The following VPS13B variants were observed in gnomAD, a reference collection of about 807,000 sequenced individuals.
VPS13B encodes the protein intermembrane lipid transfer protein VPS13B.
In VPS13B, 285 loss-of-function variants were observed where a neutral mutation model predicts 426.4. That is an observed-to-expected ratio of 0.67 (90% confidence interval 0.61 to 0.74). VPS13B has a LOEUF of 0.74. Among genes scored for constraint, VPS13B ranks in the 30% least tolerant of loss-of-function variants. VPS13B has a pLI of 0.00. For synonymous variants in VPS13B, 1,676 were observed against 1,676.4 expected (o/e 1.00, Z 0.01); for missense variants, 4,537 against 4,782.6 (o/e 0.95, Z 1.51).
intron 17 of VPS13B, among the ~76,000 whole-genome samples, chr8:99,205,192 A>T (rs62153086): frequency 2.0e-5 from 3 of 152,242 alleles, no homozygotes; most frequent in Admixed American, 2.0e-4. Flanking sequence ...TGATGAGTTC[A>T]TGGTTTTTGC....
At chr8:99,475,137 A>G (rs993992085) in intron 24 of VPS13B, among the ~76,000 whole-genome samples, 1 of 152,248 alleles carries the variant, frequency 6.6e-6, no homozygotes, top group Non-Finnish European at 1.5e-5. Flanking sequence ...AAATGTTAAA[A>G]TATGCAGATT....
intron 17 of VPS13B, among the ~76,000 whole-genome samples, chr8:99,245,767 C>T (rs911534323): frequency 6.6e-6 from 1 of 152,172 alleles, no homozygotes; most frequent in Non-Finnish European, 1.5e-5. Flanking sequence ...TGGCCTCAAA[C>T]TCCTGGCCTC....
chr8:99,337,096 A>G (rs528445849), intron 19 of VPS13B, among the ~76,000 whole-genome samples: 1 of 152,254 alleles, frequency 6.6e-6, no homozygotes, highest in East Asian at 1.9e-4. Context: ...CACAATAGCA[A>G]AGACTTGGAA....
chr8:99,343,721 G>A (rs767557724), intron 19 of VPS13B, among the ~76,000 whole-genome samples: 2 of 152,168 alleles, frequency 1.3e-5, no homozygotes, highest in Non-Finnish European at 2.9e-5. Context: ...AACAACAAAA[G>A]TAGGTATAAA....
rs891386103 is a variant in VPS13B, at chr8:99,458,252, A to C, written c.3446-9162A>C. Among the ~76,000 whole-genome samples, 81 of 152,110 alleles carry C rather than the reference A, an allele frequency of 5.3e-4. 1 individual carries two copies. The highest frequency in any genetic ancestry group is 3.4e-3 in the Middle Eastern group (1 of 294). ...TCCCTGCAAAGGACATGAACTCATC[A>C]TTTTTTATGGCTGCATAGTATTCCA... On this transcript the variant is annotated intron_variant, in intron 23 of 61. Transcript: ENST00000357162.
At chr8:99,468,003 A>AT (rs1227824411) in intron 24 of VPS13B, among the ~76,000 whole-genome samples, 24 of 152,184 alleles carry the variant, frequency 1.6e-4, no homozygotes, top group African/African-American at 5.3e-4. Flanking sequence ...TTATCATGCA[A>AT]TTTTTTTATT....
At chr8:99,502,761 G>T (rs1821311733) in intron 26 of VPS13B, 75 bp from the exon 27 acceptor site, 3 of 1,140,836 alleles carry the variant, frequency 2.6e-6, no homozygotes, top group Non-Finnish European at 4.0e-6. Flanking sequence ...ATTTGTCAAT[G>T]TGAAATGTAA....
At chr8:99,116,718 G>A (rs773980555) in intron 7 of VPS13B, among the ~76,000 whole-genome samples, 13 of 152,162 alleles carry the variant, frequency 8.5e-5, no homozygotes, top group Non-Finnish European at 1.3e-4. Flanking sequence ...ACAGGCATGA[G>A]CCACCATGCC....
chr8:99,338,802 T>C (rs938131906), intron 19 of VPS13B, among the ~76,000 whole-genome samples: 1 of 152,160 alleles, frequency 6.6e-6, no homozygotes, highest in Admixed American at 6.5e-5. Flanking sequence ...GTTACCATGA[T>C]AAAATTTTAG....
At chr8:99,729,052 C>A (rs1173661709) in intron 39 of VPS13B, among the ~76,000 whole-genome samples, 1 of 152,156 alleles carries the variant, frequency 6.6e-6, no homozygotes, top group East Asian at 1.9e-4. Flanking sequence ...ACAAGTCCAG[C>A]CTCTGTTTCA....
At chr8:99,430,843 C>T (rs780286795) in intron 21 of VPS13B, among the ~76,000 whole-genome samples, 5 of 151,936 alleles carry the variant, frequency 3.3e-5, no homozygotes, top group Non-Finnish European at 7.4e-5. Context: ...CTCAGGCTCC[C>T]GAGTAGCTGG....
At chr8:99,062,791 T>A (rs1844262407) in intron 3 of VPS13B, among the ~76,000 whole-genome samples, 1 of 152,218 alleles carries the variant, frequency 6.6e-6, no homozygotes, top group Admixed American at 6.5e-5. Context: ...TTTTAATTCC[T>A]TAATACATAA....
At chr8:99,494,292 A>G (rs1006745236) in intron 25 of VPS13B, among the ~76,000 whole-genome samples, 2 of 152,164 alleles carry the variant, frequency 1.3e-5, no homozygotes, top group Non-Finnish European at 2.9e-5. Context: ...GTATCCGTTA[A>G]AAAATAACTC....
intron 3 of VPS13B, among the ~76,000 whole-genome samples, chr8:99,090,061 C>T (rs1396695426): frequency 6.6e-6 from 1 of 152,034 alleles, no homozygotes; most frequent in Non-Finnish European, 1.5e-5. Flanking sequence ...CCACTCCCAT[C>T]ATAGCCTGAA....
chr8:99,124,346 G>A (rs1013631109), intron 8 of VPS13B, among the ~76,000 whole-genome samples: 8 of 152,296 alleles, frequency 5.3e-5, no homozygotes, highest in Admixed American at 2.6e-4. Flanking sequence ...GTCTGCTGTG[G>A]AATATAGTTT....
intron 19 of VPS13B, among the ~76,000 whole-genome samples, chr8:99,315,616 T>C (rs1014657290): frequency 1.3e-5 from 2 of 151,922 alleles, no homozygotes; most frequent in African/African-American, 4.8e-5. Context: ...TATTCTGAAT[T>C]ATTTCCCCAG....
intron 57 of VPS13B, 86 bp from the exon 58 acceptor site, chr8:99,861,690 G>A: frequency 6.6e-7 from 1 of 1,526,658 alleles, no homozygotes; most frequent in Non-Finnish European, 8.9e-7. Context: ...AGGGGCCACA[G>A]GTGCTCCCGC....
intron 58 of VPS13B, 52 bp downstream of exon 58, chr8:99,861,998 C>A (rs1216019504): frequency 1.3e-6 from 2 of 1,526,512 alleles, no homozygotes; most frequent in African/African-American, 2.7e-5. Flanking sequence ...GGCTGAGATG[C>A]AGGGTCTCCC....
chr8:99,325,975 C>A (rs1361485394), intron 19 of VPS13B, among the ~76,000 whole-genome samples: 1 of 151,992 alleles, frequency 6.6e-6, no homozygotes, highest in East Asian at 1.9e-4. Flanking sequence ...TTTTGGGGGT[C>A]ATTTCTCAAT....
Sources: allele counts gnomAD v4.1 joint callset (sites outside exome capture counted in the v4.1 genomes callset), GRCh38; gene constraint gnomAD v4.1.1; transcripts MANE v1.5; gene names NCBI Gene and HGNC (gene_info 2026-07-23, HGNC 2026-07-21).